The following RTL4 variants were observed in gnomAD, a reference collection of about 807,000 sequenced individuals.
The protein encoded by RTL4 is retrotransposon Gag-like protein 4.
Under a neutral mutation model 5.3 loss-of-function variants are expected in RTL4, and 4 were observed. That is an observed-to-expected ratio of 0.75 (90% CI 0.37 to 1.72). The LOEUF is 1.72. Ranked by LOEUF, RTL4 falls within the 40% of genes most tolerant of loss-of-function variation. The pLI, the probability that RTL4 is intolerant of heterozygous loss-of-function variation, is 0.04. For missense variants in RTL4, 260 were observed against 227.1 expected, an observed-to-expected ratio of 1.14 and a Z score of -0.93; for synonymous variants, 98 against 87.3, an observed-to-expected ratio of 1.12 and a Z score of -0.68.
chrX:112,354,536 T>C, the RTL4 span, among the ~76,000 whole-genome samples: 2 of 111,932 alleles, frequency 1.8e-5, no homozygotes, highest in Non-Finnish European at 3.8e-5. Context: ...GAGTTGTCTT[T>C]ATGCATTGAT....
At chrX:112,428,989 G>C in the RTL4 span, among the ~76,000 whole-genome samples, 3 of 111,662 alleles carry the variant, frequency 2.7e-5, no homozygotes, top group East Asian at 8.4e-4. Flanking sequence ...ATGAGTGCTA[G>C]AATGGTATGT....
At chrX:112,097,232 AAGG>A in the RTL4 span, among the ~76,000 whole-genome samples, 2 of 111,977 alleles carry the variant, frequency 1.8e-5, no homozygotes, top group Non-Finnish European at 3.8e-5. Context: ...AGTGTGAAGA[AAGG>A]AGGAGGGACT....
chrX:112,241,023 A>T, the RTL4 span, among the ~76,000 whole-genome samples: 1 of 110,707 alleles, frequency 9.0e-6, no homozygotes. Context: ...GCTGCATAGT[A>T]TTCCATGGTG....
chrX:112,105,027 G>A, the RTL4 span, among the ~76,000 whole-genome samples: 26 of 111,581 alleles, frequency 2.3e-4, no homozygotes, highest in African/African-American at 6.2e-4. Context: ...GGTTCAGATC[G>A]TACATTTAAT....
the RTL4 span, among the ~76,000 whole-genome samples, chrX:112,371,858 A>G: frequency 1.8e-5 from 2 of 111,946 alleles, no homozygotes; most frequent in South Asian, 3.7e-4. Flanking sequence ...AATAATATGC[A>G]TACTTTTTAT....
the RTL4 span, among the ~76,000 whole-genome samples, chrX:112,344,319 A>T: frequency 8.9e-6 from 1 of 112,198 alleles, no homozygotes; most frequent in South Asian, 3.7e-4. Context: ...GTTTGTTCTT[A>T]CACTGCTATA....
At chrX:112,454,042 T>C (rs1454606764), upstream of RTL4, among the ~76,000 whole-genome samples, 2 of 111,869 alleles carry the variant, frequency 1.8e-5, no homozygotes, top group African/African-American at 6.5e-5. Context: ...TGCAAAATTA[T>C]GAATTTGGCC....
chrX:112,178,708 T>G, the RTL4 span, among the ~76,000 whole-genome samples: 3 of 111,513 alleles, frequency 2.7e-5, no homozygotes, highest in Non-Finnish European at 5.6e-5. Context: ...GAATTGCAAC[T>G]CCCCTTACCT....
At chrX:112,402,947 G>C in the RTL4 span, among the ~76,000 whole-genome samples, 7 of 111,602 alleles carry the variant, frequency 6.3e-5, no homozygotes, top group Non-Finnish European at 1.3e-4. Context: ...ACTGTGAAAG[G>C]ATTTCACAGA....
the RTL4 span, among the ~76,000 whole-genome samples, chrX:112,422,079 A>G: frequency 8.9e-6 from 1 of 112,277 alleles, no homozygotes; most frequent in South Asian, 3.7e-4. Context: ...TGCTAACAAT[A>G]TTTGTATAAG....
the RTL4 span, among the ~76,000 whole-genome samples, chrX:112,348,176 TG>T: frequency 9.1e-6 from 1 of 110,076 alleles, no homozygotes; most frequent in African/African-American, 3.3e-5. Context: ...TTTTTAATCC[TG>T]GCCTTCGGTT....
At chrX:112,455,168 T>A in exon 1 of RTL4, 2 of 1,211,665 alleles carry the variant, frequency 1.7e-6, no homozygotes, top group African/African-American at 3.5e-5. Context: ...ATCAATCCTC[T>A]GATGAATGCT....
At chrX:112,252,610 C>T in the RTL4 span, among the ~76,000 whole-genome samples, 4 of 110,767 alleles carry the variant, frequency 3.6e-5, no homozygotes, top group South Asian at 3.8e-4. Flanking sequence ...CCTTTTTCCC[C>T]GCTGGCTCTG....
At chrX:112,172,730 G>T in the RTL4 span, among the ~76,000 whole-genome samples, 1 of 111,111 alleles carries the variant, frequency 9.0e-6, no homozygotes, top group Admixed American at 9.6e-5. Context: ...ACTCACAATA[G>T]CAAAGACATG....
chrX:112,254,650 C>T, the RTL4 span, among the ~76,000 whole-genome samples: 1 of 103,947 alleles, frequency 9.6e-6, no homozygotes, highest in Non-Finnish European at 2.0e-5. Flanking sequence ...TTTCATTCAA[C>T]AAACATTTTA....
the RTL4 span, among the ~76,000 whole-genome samples, chrX:112,285,306 G>T: frequency 0.02 from 2,201 of 111,745 alleles, 55 homozygotes; most frequent in African/African-American, 0.066. Context: ...GCTTGACTTT[G>T]TAATATTAGT....
the RTL4 span, among the ~76,000 whole-genome samples, chrX:112,269,537 A>T: frequency 8.9e-6 from 1 of 111,810 alleles, no homozygotes; most frequent in Non-Finnish European, 1.9e-5. Context: ...CAAACTCTTT[A>T]TATCCATTTT....
At chrX:112,363,798 T>C in the RTL4 span, among the ~76,000 whole-genome samples, 1 of 111,111 alleles carries the variant, frequency 9.0e-6, no homozygotes, top group Non-Finnish European at 1.9e-5. Context: ...AAACACAACT[T>C]TTCAGCAGCT....
chrX:112,105,058 A>C, the RTL4 span, among the ~76,000 whole-genome samples: 1 of 111,234 alleles, frequency 9.0e-6, no homozygotes, highest in Non-Finnish European at 1.9e-5. Flanking sequence ...TTTTGAGTTT[A>C]CTTTTGTGTA....
Sources: allele counts gnomAD v4.1 joint callset (sites outside exome capture counted in the v4.1 genomes callset), GRCh38; gene constraint gnomAD v4.1.1; transcripts MANE v1.5; gene names NCBI Gene and HGNC (gene_info 2026-07-23, HGNC 2026-07-21).